Variants in DDX19B observed in about 807,000 individuals in gnomAD.
DDX19B encodes DEAD-box helicase 19B, also known as ATP-dependent RNA helicase DDX19B.
A neutral mutation model predicts 58.1 loss-of-function variants in DDX19B; 27 were observed. The ratio of observed to expected loss-of-function variants is 0.46; its 90% confidence interval spans 0.34 to 0.64. The LOEUF is 0.64. Among genes scored for constraint, DDX19B ranks in the 30% least tolerant of loss-of-function variants. DDX19B has a pLI of 0.01. For missense variants in DDX19B, 399 were observed against 596.5 expected (o/e 0.67, Z 3.45); for synonymous variants, 187 against 214.4 (o/e 0.87, Z 1.12).
chr16:70,290,169 A>G (rs1034771384), upstream of DDX19B, among the ~76,000 whole-genome samples: 2 of 152,068 alleles, frequency 1.3e-5, no homozygotes, highest in Non-Finnish European at 2.9e-5. Flanking sequence ...TTGGGAGGCC[A>G]AGGTGGGAAG....
chr16:70,331,846 A>G lies in DDX19B; in HGVS notation c.1148A>G (p.Lys383Arg), dbSNP rs775627107. Residue 383 changes from lysine to arginine, a missense_variant, in exon 10 of 12, where the codon AAA becomes AGA. Transcript: ENST00000288071. ...AAVIERFREG[K>R]EKVLVTTNVC... is the part of the protein sequence containing the mutation. ...GTGATTGAGCGCTTCCGAGAGGGCA[A>G]AGAGAAGGTTTTGGTGACCACCAAC... 5 of 1,614,156 alleles carry G rather than the reference A, an allele frequency of 3.1e-6. No homozygotes were observed. The highest frequency in any genetic ancestry group is 4.2e-6 in the Non-Finnish European group (5 of 1,180,032).
At chr16:70,305,710 T>C (rs2152188018) in intron 1 of DDX19B, among the ~76,000 whole-genome samples, 1 of 152,172 alleles carries the variant, frequency 6.6e-6, no homozygotes, top group East Asian at 1.9e-4. Flanking sequence ...AATATGTGTT[T>C]CAAGTAGTTC....
chr16:70,304,022 T>C (rs1033789651), intron 1 of DDX19B, among the ~76,000 whole-genome samples: 1 of 151,996 alleles, frequency 6.6e-6, no homozygotes, highest in African/African-American at 2.4e-5. Flanking sequence ...TTTTTTCTAA[T>C]AAGGGGTATG....
intron 4 of DDX19B, 25 bp from the exon 5 acceptor site, chr16:70,317,471 C>G (rs1962494663): frequency 2.5e-6 from 4 of 1,584,178 alleles, no homozygotes; most frequent in Admixed American, 1.7e-5. Flanking sequence ...GAGACTGTGA[C>G]TTTCATCTTT....
intron 9 of DDX19B, 47 bp from the exon 10 acceptor site, chr16:70,331,675 T>C: frequency 1.3e-6 from 2 of 1,586,970 alleles, no homozygotes; most frequent in Non-Finnish European, 1.7e-6. Context: ...TGTCTTCCTT[T>C]TGTTTTTAAC....
At chr16:70,301,957 G>A (rs1379314240) in intron 1 of DDX19B, among the ~76,000 whole-genome samples, 3 of 138,754 alleles carry the variant, frequency 2.2e-5, no homozygotes, top group Admixed American at 1.5e-4. Context: ...TTTCGCTCTT[G>A]TCCGCCAGGC....
In DDX19B at chr16:70,330,158, T is replaced by C. The variant is rs568706808; in HGVS notation, c.1023+90T>C. ...GAGGACTGGATGCCCCTGGGTGCCA[T>C]GGGAAGAAACGAAGTGGTTTGTTCT... On this transcript the variant is annotated intron_variant, in intron 9 of 11. Transcript: ENST00000288071. The C allele has an allele frequency of 7.5e-4, 1,114 of 1,482,056 alleles. 1 individual carries two copies. Among genetic ancestry groups the C allele is most frequent in the Non-Finnish European group, 9.7e-4 (1,053 of 1,080,944 alleles). 91.8% of individuals were successfully genotyped at this position (1,482,056 alleles called of 1,614,324 possible).
At chr16:70,305,445 G>C (rs1961701760) in intron 1 of DDX19B, among the ~76,000 whole-genome samples, 1 of 152,086 alleles carries the variant, frequency 6.6e-6, no homozygotes, top group African/African-American at 2.4e-5. Context: ...TGTGTAGTTT[G>C]TTATTTGTTG....
At chr16:70,292,737 A>T (rs1032730822), upstream of DDX19B, among the ~76,000 whole-genome samples, 1 of 152,212 alleles carries the variant, frequency 6.6e-6, no homozygotes, top group Non-Finnish European at 1.5e-5. Context: ...ATCTTGGGGC[A>T]TGAGAAAGAT....
rs1433509130 is a variant in DDX19B at position 70,334,788 on chromosome 16, G to A, written c.*1206G>A. 1 of 152,158 alleles carries A rather than the reference G, an allele frequency of 6.6e-6. No homozygotes were observed. Among genetic ancestry groups the A allele is most frequent in the Non-Finnish European group, 1.5e-5 (1 of 68,042 alleles). The allele number at this position is 152,158 out of a possible 1,614,324, so 9.4% of individuals were successfully genotyped here. On this transcript the variant is annotated 3_prime_UTR_variant, in exon 12 of 12. Transcript: ENST00000288071. ...GATAGTCAGAGCAAACAATAGTAAT[G>A]GACACTTCTCACACCTGGCCAAGGC...
At chr16:70,325,499 T>C (rs1232055499) in intron 6 of DDX19B, 75 bp from the exon 7 acceptor site, 12 of 947,990 alleles carry the variant, frequency 1.3e-5, no homozygotes, top group Non-Finnish European at 1.9e-5. Context: ...GAGGAGTGGC[T>C]AAGTACTAAT....
chr16:70,300,325 C>CA (rs1326839967), intron 1 of DDX19B, among the ~76,000 whole-genome samples: 6 of 151,992 alleles, frequency 3.9e-5, no homozygotes, highest in Non-Finnish European at 7.4e-5. Context: ...CCCACCTCAG[C>CA]CTCCTGAGTA....
At chr16:70,317,362 T>C (rs1287278665) in intron 4 of DDX19B, 134 bp from the exon 5 acceptor site, 20 of 588,622 alleles carry the variant, frequency 3.4e-5, no homozygotes, top group East Asian at 1.9e-4. Flanking sequence ...GCCTGGGCAA[T>C]AGATCGAGAC....
chr16:70,322,497 G>A (rs886126007), intron 5 of DDX19B, among the ~76,000 whole-genome samples: 3 of 150,824 alleles, frequency 2.0e-5, no homozygotes, highest in African/African-American at 4.9e-5. Flanking sequence ...CTGAGGCTCC[G>A]GAATTGCTTG....
intron 10 of DDX19B, among the ~76,000 whole-genome samples, chr16:70,332,643 T>C (rs974796925): frequency 6.6e-6 from 1 of 152,148 alleles, no homozygotes; most frequent in Non-Finnish European, 1.5e-5. Context: ...ATGCATTGAC[T>C]TACCTGTGGA....
intron 1 of DDX19B, among the ~76,000 whole-genome samples, chr16:70,307,818 G>A (rs1268713129): frequency 6.6e-6 from 1 of 151,252 alleles, no homozygotes; most frequent in Non-Finnish European, 1.5e-5. Flanking sequence ...GGAACTCCTG[G>A]GCTCAAGCAA....
Position 70,299,321 on chromosome 16 carries a change from G to A in DDX19B, c.24G>A (p.Leu8=). ...CCATGGCCACTGACTCATGGGCCCT[G>A]GCGGTGGACGAGCAGGAAGCTGCGG... MATDSWA[L]AVDEQEAAAE... Residue 8 remains leucine (L), a synonymous_variant, in exon 1 of 12, where the codon CTG becomes CTA. Coordinates refer to ENST00000288071, the MANE Select transcript of DDX19B (RefSeq NM_007242.7). 1.9e-6 allele frequency: 3 copies of A among 1,607,938 alleles called. No individual in the cohort carries two copies. In the South Asian group the frequency reaches 3.3e-5, roughly 18 times the overall value.
intron 5 of DDX19B, among the ~76,000 whole-genome samples, chr16:70,323,991 C>T (rs1248248852): frequency 1.3e-5 from 2 of 151,988 alleles, no homozygotes; most frequent in Non-Finnish European, 2.9e-5. Flanking sequence ...AAGACAAGAG[C>T]ATGACTGGCA....
At chr16:70,319,544 C>T (rs929690100) in intron 5 of DDX19B, 3 of 149,920 alleles carry the variant, frequency 2.0e-5, no homozygotes, top group Non-Finnish European at 4.4e-5. Context: ...TGATTATATA[C>T]AATTCTGCAT....
Sources: allele counts gnomAD v4.1 joint callset (sites outside exome capture counted in the v4.1 genomes callset), GRCh38; gene constraint gnomAD v4.1.1; transcripts MANE v1.5; gene names NCBI Gene and HGNC (gene_info 2026-07-23, HGNC 2026-07-21).